Variants in SHROOM3 observed in about 807,000 individuals in gnomAD.
SHROOM3 encodes the protein shroom family member 3.
SHROOM3 carries 47 observed loss-of-function variants against 138.6 expected under a neutral mutation model. The ratio of observed to expected loss-of-function variants is 0.34; its 90% CI spans 0.27 to 0.43. The LOEUF is 0.43. Among genes scored for constraint, SHROOM3 ranks in the 20% least tolerant of loss-of-function variants. The pLI is 1.00. For missense variants in SHROOM3, 2,491 were observed against 2,596.5 expected (o/e 0.96, Z 0.88); for synonymous variants, 1,062 against 1,063.3 (o/e 1.00, Z 0.02).
chr4:76,615,870 C>T (rs560459856), intron 2 of SHROOM3, among the ~76,000 whole-genome samples: 20 of 152,262 alleles, frequency 1.3e-4, no homozygotes, highest in Non-Finnish European at 2.8e-4. Context: ...AGGAAGACAA[C>T]GCCTTCGCTT....
chr4:76,491,949 A>G (rs1731862066), intron 1 of SHROOM3, among the ~76,000 whole-genome samples: 1 of 152,220 alleles, frequency 6.6e-6, no homozygotes, highest in Admixed American at 6.5e-5. Flanking sequence ...TAAGAGTTCC[A>G]GAAAGAGAGA....
At chr4:76,774,346 T>G (rs998481167) in intron 10 of SHROOM3, among the ~76,000 whole-genome samples, 1 of 152,230 alleles carries the variant, frequency 6.6e-6, no homozygotes, top group African/African-American at 2.4e-5. Context: ...ATTGTTTTTT[T>G]ATCATGATTG....
intron 1 of SHROOM3, among the ~76,000 whole-genome samples, chr4:76,438,972 A>G (rs1560506282): frequency 6.6e-6 from 1 of 152,230 alleles, no homozygotes; most frequent in African/African-American, 2.4e-5. Context: ...GGCATGTATT[A>G]GTTTCCTATT....
chr4:76,743,208 A>G (rs1721319774), intron 5 of SHROOM3, among the ~76,000 whole-genome samples: 1 of 152,214 alleles, frequency 6.6e-6, no homozygotes, highest in Non-Finnish European at 1.5e-5. Flanking sequence ...ATTGATGGGA[A>G]GAAACCAGTT....
chr4:76,605,479 C>T (rs1005331114), intron 2 of SHROOM3, among the ~76,000 whole-genome samples: 1 of 152,112 alleles, frequency 6.6e-6, no homozygotes, highest in African/African-American at 2.4e-5. Context: ...TTTGTATCCC[C>T]TTAAACTGTC....
At chr4:76,623,184 C>T (rs768378689) in intron 2 of SHROOM3, among the ~76,000 whole-genome samples, 1 of 152,148 alleles carries the variant, frequency 6.6e-6, no homozygotes, top group African/African-American at 2.4e-5. Context: ...TTTTCCTTTT[C>T]TTTTCTCTTC....
rs572123975 is a variant in SHROOM3, at chr4:76,471,112, C to T, written c.168+34892C>T. On this transcript the variant is annotated intron_variant, in intron 1 of 10. Transcript: ENST00000296043. ...CCTCACTTATTTTCATACCAAAAAA[C>T]AACAGGTAAATTTCTTGATGAAAGA... Among the ~76,000 whole-genome samples, 424 of 152,196 alleles carry T rather than the reference C, an allele frequency of 2.8e-3. 3 individuals carry two copies. Among genetic ancestry groups the T allele is most frequent in the African/African-American group, 9.7e-3 (402 of 41,538 alleles).
At chr4:76,568,642 G>A (rs1456775604) in intron 2 of SHROOM3, among the ~76,000 whole-genome samples, 1 of 152,168 alleles carries the variant, frequency 6.6e-6, no homozygotes, top group East Asian at 1.9e-4. Flanking sequence ...GTTCGGGAGT[G>A]AGGTCCCCAG....
At chr4:76,649,274 C>T (rs1560579607) in intron 2 of SHROOM3, among the ~76,000 whole-genome samples, 1 of 151,986 alleles carries the variant, frequency 6.6e-6, no homozygotes, top group Non-Finnish European at 1.5e-5. Context: ...ATATTGGAAC[C>T]CATACTCAAA....
Position 76,740,069 on chromosome 4 carries a change from A to G in SHROOM3, c.1896A>G (p.Glu632=), listed in dbSNP as rs1721194973. 1.2e-6 allele frequency: 2 copies of G among 1,613,820 alleles called. No individual in the cohort carries two copies. Among genetic ancestry groups the G allele is most frequent in the African/African-American group, 1.3e-5 (1 of 75,076 alleles). Residue 632 remains glutamate (E), a synonymous_variant, in exon 5 of 11, where the codon GAA becomes GAG. Coordinates refer to ENST00000296043, the MANE Select transcript of SHROOM3 (RefSeq NM_020859.4). This position sits in a 1 kb window ranked among gnomAD's most constrained non-coding sequence, Gnocchi z 4.0. The part of the protein sequence containing the change: ...LSEPWEGDFQ[E]DHNANLWRRL... ...AGCCCTGGGAGGGCGATTTCCAGGA[A>G]GACCACAATGCCAACCTCTGGAGGA...
intron 3 of SHROOM3, among the ~76,000 whole-genome samples, chr4:76,715,490 G>T (rs10013334): frequency 0.19 from 28,348 of 152,112 alleles, 3,009 homozygotes; most frequent in East Asian, 0.32. Flanking sequence ...CCTTGGGCTA[G>T]GGTAATGAGT....
intron 2 of SHROOM3, among the ~76,000 whole-genome samples, chr4:76,656,173 T>C (rs191826614): frequency 1.3e-4 from 20 of 152,302 alleles, no homozygotes; most frequent in African/African-American, 4.8e-4. Context: ...AGGAAACTCA[T>C]GGAAGTATTT....
At chr4:76,494,121 T>A (rs1731913974) in intron 1 of SHROOM3, among the ~76,000 whole-genome samples, 1 of 151,710 alleles carries the variant, frequency 6.6e-6, no homozygotes, top group Admixed American at 6.6e-5. Context: ...GCCCCCTCCC[T>A]AATTCAATTA....
At position 76,770,797 on chromosome 4, in the gene SHROOM3, T is replaced by C. The variant is rs752783487; in HGVS notation, c.5521T>C (p.Leu1841=). The change falls in exon 10 of 11, where the codon TTG becomes CTG. Residue 1841 remains leucine (L), a synonymous_variant. Coordinates refer to ENST00000296043, the MANE Select transcript of SHROOM3 (RefSeq NM_020859.4). ...CAAGTATAGGATGTTCATAGGGGATTTGGACAAGGTGGTCAACCTGCTGCT... is the reference window on the plus strand; with the variant it reads ...CAAGTATAGGATGTTCATAGGGGATCTGGACAAGGTGGTCAACCTGCTGCT... ...FDKYRMFIGD[L]DKVVNLLLSL... is the part of the protein sequence containing the mutation. The C allele has an allele frequency of 1.2e-6, 2 of 1,614,170 alleles. No homozygotes were observed. Among genetic ancestry groups the C allele is most frequent in the South Asian group, 2.2e-5 (2 of 91,070 alleles).
At chr4:76,735,856 AAAAAAAAAAAAAATAT>A (rs1721034788) in intron 4 of SHROOM3, among the ~76,000 whole-genome samples, 2 of 48,010 alleles carry the variant, frequency 4.2e-5, no homozygotes, top group Admixed American at 2.3e-4. Flanking sequence ...AAAAAAAAAA[AAAAAAAAAAAAAATAT>A]ATATATATAT....
At chr4:76,621,536 C>A (rs28398292) in intron 2 of SHROOM3, among the ~76,000 whole-genome samples, 24,013 of 152,176 alleles carry the variant, frequency 0.16, 2,117 homozygotes, top group East Asian at 0.3. Flanking sequence ...GCTTGATTTT[C>A]TCACCATCAT....
At position 76,518,542 on chromosome 4, in the gene SHROOM3, A is replaced by T. The variant is rs191472594; in HGVS notation, c.169-37067A>T. 8.2e-3 allele frequency among the ~76,000 whole-genome samples: 1,017 copies of T among 124,496 alleles called. 12 individuals are homozygous for T. The highest frequency in any genetic ancestry group is 0.03 in the African/African-American group (971 of 32,246). 81.7% of individuals were successfully genotyped at this position (124,496 alleles called of 152,430 possible). On this transcript the variant is annotated intron_variant, in intron 1 of 10. Transcript: ENST00000296043. Reference sequence around the variant, plus strand: ...TTCCTTCCTACCTTCCTTCCTTCCTACCTTCTTCCTTCCTTCCTTCCTTCT... The same window carrying T: ...TTCCTTCCTACCTTCCTTCCTTCCTTCCTTCTTCCTTCCTTCCTTCCTTCT...
chr4:76,686,672 G>C (rs1719344828), intron 2 of SHROOM3, among the ~76,000 whole-genome samples: 3 of 152,058 alleles, frequency 2.0e-5, no homozygotes, highest in South Asian at 4.2e-4. Flanking sequence ...ATATCTATAT[G>C]AATCAGACCC....
chr4:76,607,146 T>C (rs1289314835), intron 2 of SHROOM3, among the ~76,000 whole-genome samples: 1 of 152,186 alleles, frequency 6.6e-6, no homozygotes, highest in East Asian at 1.9e-4. Flanking sequence ...TTTTATTGAC[T>C]AAAAGCATCA....
Sources: allele counts gnomAD v4.1 joint callset (sites outside exome capture counted in the v4.1 genomes callset), GRCh38; gene constraint gnomAD v4.1.1; non-coding constraint Gnocchi (gnomAD v3.1); transcripts MANE v1.5; gene names NCBI Gene and HGNC (gene_info 2026-07-23, HGNC 2026-07-21).